Variants in ANKFN1 observed in about 807,000 individuals in gnomAD.
ANKFN1 encodes ankyrin repeat and fibronectin type III domain containing 1, also known as ankyrin repeat and fibronectin type-III domain-containing protein 1.
ANKFN1 carries 74 observed loss-of-function variants against 108.7 expected under a neutral mutation model. The ratio of observed to expected loss-of-function variants is 0.68; its 90% CI spans 0.56 to 0.83. ANKFN1 has a LOEUF of 0.83. Ranked by LOEUF, ANKFN1 falls within the 40% of genes least tolerant of loss-of-function variation. The pLI, the probability that ANKFN1 is intolerant of heterozygous loss-of-function variation, is 0.00. For missense variants in ANKFN1, 1,505 were observed against 1,382.3 expected, an observed-to-expected ratio of 1.09 and a Z score of -1.41; for synonymous variants, 547 against 516.2, an observed-to-expected ratio of 1.06 and a Z score of -0.81.
At chr17:56,048,136 A>G (rs1356998795) in intron 4 of ANKFN1, among the ~76,000 whole-genome samples, 1 of 152,188 alleles carries the variant, frequency 6.6e-6, no homozygotes, top group Non-Finnish European at 1.5e-5. Flanking sequence ...CCCTTATTCC[A>G]GTACAACTTT....
At chr17:56,481,801 A>T (rs1010034598) in intron 17 of ANKFN1, among the ~76,000 whole-genome samples, 1 of 152,208 alleles carries the variant, frequency 6.6e-6, no homozygotes, top group African/African-American at 2.4e-5. Context: ...GGAGAAAAAA[A>T]AGTAAGAGCT....
chr17:56,067,609 A>C (rs1457493375), intron 4 of ANKFN1, among the ~76,000 whole-genome samples: 1 of 152,208 alleles, frequency 6.6e-6, no homozygotes. Context: ...TGTTTTTGTA[A>C]TTAGATGAAA....
intron 4 of ANKFN1, among the ~76,000 whole-genome samples, chr17:56,049,924 G>A (rs1904745667): frequency 6.6e-6 from 1 of 152,096 alleles, no homozygotes; most frequent in South Asian, 2.1e-4. Context: ...GGATGGCTCG[G>A]TCAAATGGTA....
chr17:56,415,329 A>T (rs1290414511), intron 8 of ANKFN1, among the ~76,000 whole-genome samples: 3 of 152,192 alleles, frequency 2.0e-5, no homozygotes, highest in African/African-American at 7.2e-5. Context: ...ATACTCAGAA[A>T]AAACAAAACA....
At chr17:56,147,996 A>C (rs560760345) in intron 4 of ANKFN1, among the ~76,000 whole-genome samples, 1 of 152,204 alleles carries the variant, frequency 6.6e-6, no homozygotes, top group Non-Finnish European at 1.5e-5. Context: ...TCTCTAAAGG[A>C]AGAACTGGTG....
intron 1 of ANKFN1, among the ~76,000 whole-genome samples, chr17:56,159,033 CA>C (rs57878541): frequency 1.9e-3 from 137 of 71,014 alleles, no homozygotes; most frequent in South Asian, 7.5e-3. Context: ...TGGTCTAGGC[CA>C]AAAAAAAAAA....
intron 1 of ANKFN1, among the ~76,000 whole-genome samples, chr17:56,158,055 G>A (rs1909279529): frequency 6.6e-6 from 1 of 152,152 alleles, no homozygotes. Context: ...ATCTGCCATG[G>A]TGTTTCAGGC....
At chr17:56,291,119 T>C (rs1480195185) in intron 3 of ANKFN1, among the ~76,000 whole-genome samples, 1 of 152,180 alleles carries the variant, frequency 6.6e-6, no homozygotes, top group Admixed American at 6.5e-5. Context: ...ATGATCAGAA[T>C]AGATAGACCC....
chr17:56,265,114 T>G (rs1444820000), intron 3 of ANKFN1, among the ~76,000 whole-genome samples: 1 of 152,176 alleles, frequency 6.6e-6, no homozygotes, highest in African/African-American at 2.4e-5. Context: ...ATGGGTTTTG[T>G]GGGAAGTAAA....
chr17:56,354,181 A>G, intron 6 of ANKFN1, 135 bp downstream of exon 6: 2 of 788,952 alleles, frequency 2.5e-6, no homozygotes, highest in Non-Finnish European at 4.0e-6. Context: ...GGATGTTTTC[A>G]TGGGCTTTCA....
chr17:56,365,644 G>A (rs1054725532), intron 6 of ANKFN1, among the ~76,000 whole-genome samples: 3 of 152,108 alleles, frequency 2.0e-5, no homozygotes, highest in African/African-American at 7.2e-5. Context: ...TTCAGTCAAT[G>A]GTAAGCTATG....
rs529040808 is a variant in ANKFN1 at position 56,368,654 on chromosome 17, C to T, written c.602-3992C>T. On this transcript the variant is annotated intron_variant, in intron 6 of 20. Transcript: ENST00000682825. ...CAGTTATAGCAACAATTCTCTTTTC[C>T]TGACCAATCTTGTTTTACCCTATAC... is the stretch of plus-strand genomic sequence containing the variant. 1.6e-4 allele frequency among the ~76,000 whole-genome samples: 25 copies of T among 151,938 alleles called. No individual in the cohort carries two copies. In the South Asian group the frequency reaches 5.2e-3, roughly 32 times the overall value.
chr17:56,166,135 T>C (rs536629340), intron 1 of ANKFN1, among the ~76,000 whole-genome samples: 121 of 152,214 alleles, frequency 7.9e-4, no homozygotes, highest in African/African-American at 2.8e-3. Flanking sequence ...AAAAAAGTAA[T>C]CAGGTGGTCT....
chr17:56,215,782 A>C (rs1915381199), intron 2 of ANKFN1: 1 of 151,934 alleles, frequency 6.6e-6, no homozygotes, highest in African/African-American at 2.4e-5. Context: ...CCATTTTTTC[A>C]TTTTTTCACA....
At chr17:56,279,528 C>T (rs2044017166) in intron 3 of ANKFN1, among the ~76,000 whole-genome samples, 1 of 152,192 alleles carries the variant, frequency 6.6e-6, no homozygotes, top group South Asian at 2.1e-4. Flanking sequence ...ATTGACTTGG[C>T]ATCCAGGAGC....
chr17:56,150,787 C>G (rs966379213), upstream of ANKFN1, among the ~76,000 whole-genome samples: 1 of 152,086 alleles, frequency 6.6e-6, no homozygotes, highest in Non-Finnish European at 1.5e-5. Flanking sequence ...TCGCTTATCA[C>G]TCCCTAGCCC....
intron 10 of ANKFN1, among the ~76,000 whole-genome samples, chr17:56,446,859 C>T (rs1405464405): frequency 1.3e-5 from 2 of 151,480 alleles, no homozygotes; most frequent in Non-Finnish European, 1.5e-5. Flanking sequence ...GAGCTAAGAT[C>T]GCACCACTGC....
intron 8 of ANKFN1, among the ~76,000 whole-genome samples, chr17:56,380,205 A>G (rs2047055048): frequency 6.6e-6 from 1 of 152,200 alleles, no homozygotes; most frequent in Non-Finnish European, 1.5e-5. Flanking sequence ...GCTATATTTT[A>G]CAGTTTTTAC....
chr17:56,194,392 C>A (rs1007964006), intron 1 of ANKFN1, among the ~76,000 whole-genome samples: 1 of 152,140 alleles, frequency 6.6e-6, no homozygotes, highest in Non-Finnish European at 1.5e-5. Flanking sequence ...AGTGGAAAAA[C>A]TGTGGTACAT....
Sources: gnomAD v4.1 joint callset for allele counts (sites outside exome capture counted in the v4.1 genomes callset) on GRCh38, gnomAD v4.1.1 for gene constraint, MANE v1.5 for transcripts, NCBI Gene and HGNC (gene_info 2026-07-23, HGNC 2026-07-21) for gene names.